The following CALB2 variants were observed in gnomAD, a reference collection of about 807,000 sequenced individuals.
The protein encoded by CALB2 is calbindin 2, also known as calretinin.
In CALB2, 34 loss-of-function variants were observed where a neutral mutation model predicts 45.9. The ratio of observed to expected loss-of-function variants is 0.74; its 90% CI spans 0.56 to 0.99. The LOEUF (loss-of-function observed/expected upper bound fraction) is 0.99, where lower values mean the gene tolerates loss of function less well. Ranked by LOEUF, CALB2 falls within the 50% of genes least tolerant of loss-of-function variation. CALB2 has a pLI of 0.00. For synonymous variants in CALB2, 142 were observed against 129.6 expected (o/e 1.10, Z -0.65); for missense variants, 344 against 339.3 (o/e 1.01, Z -0.11).
At position 71,377,670 on chromosome 16, in the gene CALB2, G is replaced by A. The variant is rs752986143; in HGVS notation, c.265G>A (p.Ala89Thr). 1.9e-6 allele frequency: 3 copies of A among 1,612,956 alleles called. No individual in the cohort carries two copies. The Admixed American group carries it at 5.0e-5, about 27-fold the overall frequency. The change falls in exon 4 of 11, where the codon GCG (alanine) becomes ACG (threonine). Residue 89 changes from alanine (A) to threonine (T), a missense_variant. By Grantham distance (58) the Ala-to-Thr change is moderately conservative. Coordinates refer to ENST00000302628, the MANE Select transcript of CALB2 (RefSeq NM_001740.5). ...GTCGCTCTCTGTATCTTCACAGCTG[G>A]CGCAGATCCTGCCAACCGAAGAGAA... ...SDGKIEMAEL[A>T]QILPTEENFL...
At chr16:71,384,160 G>C (rs1190434876) in intron 7 of CALB2, 135 bp downstream of exon 7, 7 of 1,097,000 alleles carry the variant, frequency 6.4e-6, no homozygotes, top group Non-Finnish European at 9.8e-6. Flanking sequence ...AGATAGAATT[G>C]TGACCGTCAA....
chr16:71,388,587 A>G (rs988082867), intron 10 of CALB2, among the ~76,000 whole-genome samples: 6 of 152,132 alleles, frequency 3.9e-5, no homozygotes, highest in Non-Finnish European at 8.8e-5. Flanking sequence ...GCATATGTTC[A>G]TGGCTCACCT....
In CALB2 at chr16:71,369,037, C is replaced by T. The variant is rs373408011; in HGVS notation, c.95-3116C>T. Among the ~76,000 whole-genome samples, 16 of 152,098 alleles carry T rather than the reference C, an allele frequency of 1.1e-4. 1 individual carries two copies. In the East Asian group the frequency reaches 2.3e-3, roughly 22 times the overall value. ...TTTGGGTTCAGAGCGTTCAGTGGGG[C>T]GGGGCTCCGTGCTAGCCTTGCCTGC... On this transcript the variant is annotated intron_variant, in intron 1 of 10. Transcript: ENST00000302628.
intron 1 of CALB2, among the ~76,000 whole-genome samples, chr16:71,367,873 G>A (rs1234408864): frequency 6.6e-6 from 1 of 152,156 alleles, no homozygotes; most frequent in African/African-American, 2.4e-5. Flanking sequence ...TGCTGCACAA[G>A]CTGAATTCAG....
At chr16:71,385,555 T>A in intron 9 of CALB2, 22 bp from the exon 10 acceptor site, 1 of 1,613,022 alleles carries the variant, frequency 6.2e-7, no homozygotes, top group Non-Finnish European at 8.5e-7. Context: ...GAGCTCTGGG[T>A]TGACTCTGCT....
rs1393421363 is a variant in CALB2 at position 71,384,665 on chromosome 16, ACAC to A, written c.574-117_574-115del. 6 of 484,910 alleles carry A rather than the reference ACAC, an allele frequency of 1.2e-5. No individual in the cohort carries two copies. The African/African-American group carries it at 1.3e-4, about 11-fold the overall frequency. 30.0% of individuals were successfully genotyped at this position (484,910 alleles called of 1,614,324 possible). A position where few individuals can be genotyped will look rare whatever the true frequency, so the allele number is the denominator to read the frequency against. ...ACACCACACAGACCACACACCACAC[ACAC>A]AACACACACATCACACATGCACACA... On this transcript the variant is annotated intron_variant, in intron 8 of 10. Coordinates refer to ENST00000302628, the MANE Select transcript of CALB2 (RefSeq NM_001740.5).
chr16:71,383,305 G>A, intron 5 of CALB2, 62 bp from the exon 6 acceptor site: 1 of 1,439,714 alleles, frequency 6.9e-7, no homozygotes, highest in Non-Finnish European at 9.7e-7. Context: ...GAGCAAGTAA[G>A]GAAATGAATG....
chr16:71,366,332 T>G (rs558805755), intron 1 of CALB2, among the ~76,000 whole-genome samples: 6 of 42,882 alleles, frequency 1.4e-4, no homozygotes, highest in Non-Finnish European at 2.1e-4. Context: ...GCCTTTTTTT[T>G]TTTTTTTTTT....
intron 1 of CALB2, among the ~76,000 whole-genome samples, chr16:71,361,532 G>A (rs1272127650): frequency 6.6e-6 from 1 of 152,164 alleles, no homozygotes. Context: ...ACACCTGAGA[G>A]AACTCTCCCT....
intron 1 of CALB2, among the ~76,000 whole-genome samples, chr16:71,363,359 C>T (rs1447405241): frequency 6.6e-6 from 1 of 152,160 alleles, no homozygotes. Flanking sequence ...TGCTCAAAGC[C>T]TCTCACAGGG....
chr16:71,385,096 G>A (rs62055056), intron 9 of CALB2, among the ~76,000 whole-genome samples: 12,135 of 152,196 alleles, frequency 0.08, 595 homozygotes, highest in South Asian at 0.15. Flanking sequence ...GTGTGACCAC[G>A]CTGTCGGGAG....
Position 71,369,310 on chromosome 16 carries a change from G to A in CALB2, c.95-2843G>A, listed in dbSNP as rs535669206. 3.3e-5 allele frequency among the ~76,000 whole-genome samples: 5 copies of A among 152,296 alleles called. No individual in the cohort carries two copies. The South Asian group carries it at 1.0e-3, about 32-fold the overall frequency. On this transcript the variant is annotated intron_variant, in intron 1 of 10. Coordinates refer to ENST00000302628, the MANE Select transcript of CALB2 (RefSeq NM_001740.5). ...GGAGAAGAAACTGAGGTTCACAGAG[G>A]TGGTGTCCTCTAATCTGGGTACGAC...
At chr16:71,389,681 T>C (rs1009839874) in intron 10 of CALB2, 68 bp from the exon 11 acceptor site, 3 of 1,060,358 alleles carry the variant, frequency 2.8e-6, no homozygotes, top group African/African-American at 3.1e-5. Context: ...TTTGTGAATG[T>C]GGACGTGGGC....
rs1171021532 is a variant in CALB2 at position 71,366,024 on chromosome 16, C to CTTT, written c.95-6111_95-6109dup. 5.9e-3 allele frequency among the ~76,000 whole-genome samples: 266 copies of CTTT among 45,056 alleles called. 43 individuals are homozygous for CTTT. The highest frequency in any genetic ancestry group is 0.025 in the African/African-American group (256 of 10,420). 29.6% of individuals were successfully genotyped at this position (45,056 alleles called of 152,430 possible). A position where few individuals can be genotyped will look rare whatever the true frequency, so the allele number is the denominator to read the frequency against. ...TCTTTGTTTTCTTCCCTCTCTCTCT[C>CTTT]TTTTTTTTTTTTTTTTTTTTGAGAT... On this transcript the variant is annotated intron_variant, in intron 1 of 10. Transcript: ENST00000302628.
chr16:71,362,278 C>G (rs889552876), intron 1 of CALB2, among the ~76,000 whole-genome samples: 12 of 152,188 alleles, frequency 7.9e-5, no homozygotes, highest in Admixed American at 2.0e-4. Context: ...TACTGACCAT[C>G]TGCGAGCAGC....
intron 4 of CALB2, among the ~76,000 whole-genome samples, chr16:71,379,557 C>T (rs1452746463): frequency 6.6e-6 from 1 of 152,220 alleles, no homozygotes; most frequent in Non-Finnish European, 1.5e-5. Context: ...GGACTCCACA[C>T]TCTAACCATT....
chr16:71,384,753 C>T (rs758042625), intron 8 of CALB2, 30 bp from the exon 9 acceptor site: 18 of 1,178,278 alleles, frequency 1.5e-5, no homozygotes, highest in Non-Finnish European at 1.9e-5. Flanking sequence ...TGCGCTTCTG[C>T]TTCTGTCTTT....
chr16:71,364,751 CCAAA>C (rs1185845040), intron 1 of CALB2, among the ~76,000 whole-genome samples: 1 of 152,218 alleles, frequency 6.6e-6, no homozygotes, highest in Non-Finnish European at 1.5e-5. Flanking sequence ...ATTCAAGTGC[CCAAA>C]CATTCAGCTG....
intron 6 of CALB2, 80 bp from the exon 7 acceptor site, chr16:71,383,890 C>G (rs1452556766): frequency 6.6e-7 from 1 of 1,506,164 alleles, no homozygotes; most frequent in Non-Finnish European, 9.2e-7. Context: ...CGTCCTCCTT[C>G]CCATCCTCTC....
Sources: allele counts gnomAD v4.1 joint callset (sites outside exome capture counted in the v4.1 genomes callset), GRCh38; gene constraint gnomAD v4.1.1; transcripts MANE v1.5; gene names NCBI Gene and HGNC (gene_info 2026-07-23, HGNC 2026-07-21).